Variants in FSCN1 observed in about 807,000 individuals in gnomAD.
The protein encoded by FSCN1 is fascin actin-bundling protein 1.
A neutral mutation model predicts 39.7 loss-of-function variants in FSCN1; 10 were observed. The observed-to-expected ratio is 0.25, with a 90% CI of 0.16 to 0.43. FSCN1 has a LOEUF of 0.43. Among genes scored for constraint, FSCN1 ranks in the 20% least tolerant of loss-of-function variants. The probability of loss-of-function intolerance (pLI) is 1.00; values close to 1 mark genes in which losing one functional copy is unlikely to be tolerated. For missense variants in FSCN1, 525 were observed against 723.8 expected (o/e 0.73, Z 3.15); for synonymous variants, 322 against 320.0 (o/e 1.01, Z -0.07).
At chr7:5,594,087 A>C in intron 1 of FSCN1, 2 of 293,536 alleles carry the variant, frequency 6.8e-6, no homozygotes, top group Non-Finnish European at 1.2e-5. Flanking sequence ...ACGCGCGCTG[A>C]TCCCTCGGAT....
chr7:5,593,096 G>C lies in FSCN1; in HGVS notation c.160G>C (p.Glu54Gln), dbSNP rs1216188357. 5.0e-6 allele frequency: 8 copies of C among 1,605,072 alleles called. No homozygotes were observed. Among genetic ancestry groups the C allele is most frequent in the Non-Finnish European group, 6.8e-6 (8 of 1,177,156 alleles). ...QIWTLEQPPD[E>Q]AGSAAVCLRS... ...CTGGACGCTGGAGCAGCCCCCTGAC[G>C]AGGCGGGCAGCGCGGCCGTGTGCCT... is the stretch of plus-strand genomic sequence containing the variant. Residue 54 changes from glutamate to glutamine, a missense_variant, in exon 1 of 5, where the codon GAG (glutamate) becomes CAG (glutamine). Around this residue, in one of 3 missense-constraint regions of FSCN1, gnomAD observed 246 missense variants for 350.6 expected, o/e 0.70. Transcript: ENST00000382361.
intron 1 of FSCN1, among the ~76,000 whole-genome samples, chr7:5,600,240 C>T (rs1482318610): frequency 2.0e-5 from 3 of 151,962 alleles, no homozygotes; most frequent in South Asian, 2.1e-4. Context: ...AATGAAACTC[C>T]GTCTCTACTA....
chr7:5,597,107 A>AGGCCAAGGAGGGAAGATGGCTTC (rs372414550), intron 1 of FSCN1, among the ~76,000 whole-genome samples: 7 of 152,310 alleles, frequency 4.6e-5, no homozygotes, highest in African/African-American at 7.2e-5. Context: ...GCACTTTGGG[A>AGGCCAAGGAGGGAAGATGGCTTC]GGCCAAGGAG....
chr7:5,595,931 G>C (rs955602944), intron 1 of FSCN1, among the ~76,000 whole-genome samples: 5 of 152,104 alleles, frequency 3.3e-5, no homozygotes, highest in Admixed American at 6.6e-5. Context: ...GGCGTCTGGT[G>C]TGTGATTCAG....
In FSCN1 at chr7:5,593,756, T is replaced by C; in HGVS notation, c.820T>C (p.Ser274Pro). 6.3e-7 allele frequency: 1 copy of C among 1,580,262 alleles called. No individual in the cohort carries two copies. Among genetic ancestry groups the C allele is most frequent in the South Asian group, 1.1e-5 (1 of 88,256 alleles). Residue 274 changes from serine (S) to proline (P), a missense_variant, in exon 1 of 5, where the codon TCC (serine) becomes CCC (proline). By Grantham distance (74) the Ser-to-Pro change is moderately conservative. Around this residue, in one of 3 missense-constraint regions of FSCN1, gnomAD observed 275 missense variants for 351.9 expected, o/e 0.78. Coordinates refer to ENST00000382361, the MANE Select transcript of FSCN1 (RefSeq NM_003088.4). ...GCAGGCGGCCAACGAGAGGAACGTG[T>C]CCACGCGCCAGGGTGAGTGGGGACG... ...VLQAANERNV[S>P]TRQGMDLSAN...
At chr7:5,596,224 G>A (rs777800954) in intron 1 of FSCN1, among the ~76,000 whole-genome samples, 4 of 152,012 alleles carry the variant, frequency 2.6e-5, no homozygotes, top group Non-Finnish European at 4.4e-5. Context: ...GTCTGCTTCC[G>A]ACACACATGC....
rs1785911862 is a variant in FSCN1, at chr7:5,605,183, C to T, written c.1280-89C>T. ...CGGGACTGGAGGGTGGGGCGTCACC[C>T]TTGGGAACACCCGTGCCCACCCTCC... On this transcript the variant is annotated intron_variant, in intron 4 of 4. Transcript: ENST00000382361. This position sits in a 1 kb window ranked among gnomAD's most constrained non-coding sequence, Gnocchi z 6.9. 6 of 979,052 alleles carry T rather than the reference C, an allele frequency of 6.1e-6. No homozygotes were observed. The highest frequency in any genetic ancestry group is 1.9e-5 in the Admixed American group (1 of 53,512). 60.6% of individuals were successfully genotyped at this position (979,052 alleles called of 1,614,324 possible). A position where few individuals can be genotyped will look rare whatever the true frequency, so the allele number is the denominator to read the frequency against.
intron 1 of FSCN1, among the ~76,000 whole-genome samples, chr7:5,596,158 TG>T (rs1029291296): frequency 1.1e-4 from 10 of 90,794 alleles, no homozygotes; most frequent in Non-Finnish European, 2.0e-4. Context: ...GGGGTGGGCG[TG>T]GGGGGCGTGT....
Position 5,592,870 on chromosome 7 carries a change from G to A in FSCN1, c.-67G>A. On this transcript the variant is annotated 5_prime_UTR_variant, in exon 1 of 5. Coordinates refer to ENST00000382361, the MANE Select transcript of FSCN1 (RefSeq NM_003088.4). This position sits in a 1 kb window ranked among gnomAD's most constrained non-coding sequence, Gnocchi z 5.3. ...CGCGGCAGCCGAACAAAGGAGCAGG[G>A]GCGCCGCCGCAGGGACCCGCCACCC... is the stretch of plus-strand genomic sequence containing the variant. 1 of 972,502 alleles carries A rather than the reference G, an allele frequency of 1.0e-6. No individual in the cohort carries two copies. The highest frequency in any genetic ancestry group is 1.7e-5 in the South Asian group (1 of 57,858). 60.2% of individuals were successfully genotyped at this position (972,502 alleles called of 1,614,324 possible).
intron 1 of FSCN1, chr7:5,594,883 G>C (rs879606467): frequency 1.1e-4 from 16 of 152,168 alleles, no homozygotes; most frequent in African/African-American, 3.6e-4. Context: ...CGTCCCCTCC[G>C]GGGCCTCCTG....
chr7:5,606,639 C>G lies in FSCN1; in HGVS notation c.*1165C>G, dbSNP rs1177706310. On this transcript the variant is annotated 3_prime_UTR_variant, in exon 5 of 5. Coordinates refer to ENST00000382361, the MANE Select transcript of FSCN1 (RefSeq NM_003088.4). The surrounding 1 kb of genome is among the most constrained non-coding windows in gnomAD (Gnocchi z 5.1). Reference sequence around the variant, plus strand: ...AACTGGAAATAGCGAAATAAAATAACTCAGTCTGCAGCCCCAGGCCGGCCT... The same window carrying G: ...AACTGGAAATAGCGAAATAAAATAAGTCAGTCTGCAGCCCCAGGCCGGCCT... 2.6e-5 allele frequency: 4 copies of G among 151,280 alleles called. No homozygotes were observed. Among genetic ancestry groups the G allele is most frequent in the Admixed American group, 6.6e-5 (1 of 15,158 alleles). The allele number at this position is 151,280 out of a possible 1,614,324, so 9.4% of individuals were successfully genotyped here.
At chr7:5,600,662 T>A (rs1033301027) in intron 1 of FSCN1, among the ~76,000 whole-genome samples, 1 of 146,392 alleles carries the variant, frequency 6.8e-6, no homozygotes, top group African/African-American at 2.6e-5. Context: ...CAGCTAATTT[T>A]TTTTTTTTTG....
At chr7:5,601,955 A>ATT (rs71701752) in intron 1 of FSCN1, among the ~76,000 whole-genome samples, 4 of 144,840 alleles carry the variant, frequency 2.8e-5, no homozygotes, top group Non-Finnish European at 6.1e-5. Flanking sequence ...TTAAAAAAAA[A>ATT]TTTTTTTTTT....
rs1584301502 is a variant in FSCN1 at position 5,599,933 on chromosome 7, G to A, written c.833-3324G>A. ...CCCTGCAGCATCAAGGTGCCCAAACGAAGACACTCTCCAGCTCTGAGCCAG... is the reference window on the plus strand; with the variant it reads ...CCCTGCAGCATCAAGGTGCCCAAACAAAGACACTCTCCAGCTCTGAGCCAG... On this transcript the variant is annotated intron_variant, in intron 1 of 4. Transcript: ENST00000382361. This position sits in a 1 kb window ranked among gnomAD's most constrained non-coding sequence, Gnocchi z 5.6. Among the ~76,000 whole-genome samples the A allele has an allele frequency of 2.6e-5, 4 of 152,136 alleles. No homozygotes were observed. Among genetic ancestry groups the A allele is most frequent in the Admixed American group, 2.6e-4 (4 of 15,280 alleles).
rs541963378 is a variant in FSCN1 at position 5,600,701 on chromosome 7, T to G, written c.833-2556T>G. Among the ~76,000 whole-genome samples, 4 of 151,220 alleles carry G rather than the reference T, an allele frequency of 2.6e-5. No individual in the cohort carries two copies. The East Asian group carries it at 7.9e-4, about 30-fold the overall frequency. On this transcript the variant is annotated intron_variant, in intron 1 of 4. Transcript: ENST00000382361. ...CAGAGTCTCGCATTGTCGCCCAGGC[T>G]GGAGTGCAGTGGCGCGATCTTGGCT... is the stretch of plus-strand genomic sequence containing the variant.
Position 5,593,143 on chromosome 7 carries a change from C to T in FSCN1, c.207C>T (p.Tyr69=), listed in dbSNP as rs750605178. Residue 69 remains tyrosine, a synonymous_variant, in exon 1 of 5, where the codon TAC becomes TAT. Coordinates refer to ENST00000382361, the MANE Select transcript of FSCN1 (RefSeq NM_003088.4). The part of the protein sequence containing the change: ...AVCLRSHLGR[Y]LAADKDGNVT... Reference sequence around the variant, plus strand: ...GCCTGCGCAGCCACCTGGGCCGCTACCTGGCGGCGGACAAGGACGGCAACG... The same window carrying T: ...GCCTGCGCAGCCACCTGGGCCGCTATCTGGCGGCGGACAAGGACGGCAACG... 2 of 1,603,072 alleles carry T rather than the reference C, an allele frequency of 1.2e-6. No homozygotes were observed. Among genetic ancestry groups the T allele is most frequent in the Admixed American group, 3.4e-5 (2 of 58,800 alleles).
chr7:5,603,724 TC>T lies in FSCN1; in HGVS notation c.1111+113del. On this transcript the variant is annotated intron_variant, in intron 3 of 4. Coordinates refer to ENST00000382361, the MANE Select transcript of FSCN1 (RefSeq NM_003088.4). The surrounding 1 kb of genome is among the most constrained non-coding windows in gnomAD (Gnocchi z 8.5). ...GCCAAGGCCTGCTCTGTGCTGGGCA[TC>T]CCCCCGGACTGGCCCCGCACTGTCC... is the stretch of plus-strand genomic sequence containing the variant. 4 of 1,537,662 alleles carry T rather than the reference TC, an allele frequency of 2.6e-6. No homozygotes were observed. Among genetic ancestry groups the T allele is most frequent in the Non-Finnish European group, 3.6e-6 (4 of 1,122,208 alleles).
chr7:5,604,228 T>C (rs1385083484), intron 4 of FSCN1, among the ~76,000 whole-genome samples, 198 bp downstream of exon 4: 1 of 151,436 alleles, frequency 6.6e-6, no homozygotes, highest in Non-Finnish European at 1.5e-5. Context: ...GTCTGTGTGG[T>C]TGGGGGGACT....
intron 1 of FSCN1, among the ~76,000 whole-genome samples, chr7:5,596,080 T>C (rs1388794234): frequency 2.0e-5 from 3 of 151,108 alleles, no homozygotes; most frequent in Non-Finnish European, 3.0e-5. Flanking sequence ...TGGCCTCAGA[T>C]CTTGGGGTCC....
Sources: gnomAD v4.1 joint callset for allele counts (sites outside exome capture counted in the v4.1 genomes callset) on GRCh38, gnomAD v4.1.1 for gene constraint, gnomAD v4.1.1 regional missense constraint, Gnocchi (gnomAD v3.1) non-coding constraint, MANE v1.5 for transcripts, NCBI Gene and HGNC (gene_info 2026-07-23, HGNC 2026-07-21) for gene names.